PARD3B: variants seen among roughly 807,000 people sequenced by gnomAD.
PARD3B encodes the protein partitioning defective 3 homolog B.
Under a neutral mutation model 130.2 loss-of-function variants are expected in PARD3B, and 103 were observed. The ratio of observed to expected loss-of-function variants is 0.79; its 90% CI spans 0.67 to 0.93. The LOEUF (loss-of-function observed/expected upper bound fraction) is 0.93. Ranked by LOEUF, PARD3B falls within the 40% of genes least tolerant of loss-of-function variation. The pLI is 0.00. For missense variants in PARD3B, 1,609 were observed against 1,499.2 expected (o/e 1.07, Z -1.21); for synonymous variants, 583 against 553.2 (o/e 1.05, Z -0.76).
chr2:205,549,768 G>A (rs141154942), intron 21 of PARD3B, among the ~76,000 whole-genome samples: 3 of 152,312 alleles, frequency 2.0e-5, no homozygotes, highest in Non-Finnish European at 4.4e-5. Flanking sequence ...GAGCCCTAAT[G>A]TAAACTATGG....
chr2:205,356,497 G>A (rs754340741), intron 18 of PARD3B, among the ~76,000 whole-genome samples: 1 of 151,936 alleles, frequency 6.6e-6, no homozygotes, highest in Non-Finnish European at 1.5e-5. Context: ...AAAAGTGTTG[G>A]GATTTTAGGT....
chr2:205,170,343 G>T (rs540385703), intron 11 of PARD3B, among the ~76,000 whole-genome samples: 2 of 152,112 alleles, frequency 1.3e-5, no homozygotes, highest in South Asian at 2.1e-4. Flanking sequence ...CTCATTTCCA[G>T]ACTTGCTTCA....
rs16836450 is a variant in PARD3B, at chr2:204,642,201, T to C, written c.121-43980T>C. 0.012 allele frequency among the ~76,000 whole-genome samples: 1,871 copies of C among 152,286 alleles called. 80 individuals carry two copies. The East Asian group carries it at 0.15, about 12-fold the overall frequency. ...AAGCCTGTTTCTGTTTAATTATCTA[T>C]GGGTGCACTGGTCTCTGCTACAGAG... On this transcript the variant is annotated intron_variant, in intron 1 of 22. Coordinates refer to ENST00000406610, the MANE Select transcript of PARD3B (RefSeq NM_001302769.2).
intron 6 of PARD3B, among the ~76,000 whole-genome samples, chr2:205,118,691 C>T (rs1271403570): frequency 2.0e-5 from 3 of 152,194 alleles, no homozygotes; most frequent in East Asian, 3.9e-4. Flanking sequence ...GAAATGAAGT[C>T]GCAGATTGAT....
chr2:204,998,826 G>A (rs1440144409), intron 3 of PARD3B, among the ~76,000 whole-genome samples: 1 of 152,022 alleles, frequency 6.6e-6, no homozygotes. Flanking sequence ...TGATTCTCCT[G>A]CCTCAGCCTC....
rs189184409 is a variant in PARD3B at position 205,550,739 on chromosome 2, G to A, written c.3181-2585G>A. 4.6e-5 allele frequency among the ~76,000 whole-genome samples: 7 copies of A among 151,234 alleles called. No homozygotes were observed. The highest frequency in any genetic ancestry group is 1.9e-4 in the East Asian group (1 of 5,154). ...ATATGCTGTTGGGTATATTTCATAG[G>A]TGTGTGTATGTATACTATATATAAA... On this transcript the variant is annotated intron_variant, in intron 21 of 22. Transcript: ENST00000406610. The surrounding 1 kb of genome is among the most constrained non-coding windows in gnomAD (Gnocchi z 4.5).
rs539844601 is a variant in PARD3B at position 204,651,050 on chromosome 2, G to C, written c.121-35131G>C. On this transcript the variant is annotated intron_variant, in intron 1 of 22. Coordinates refer to ENST00000406610, the MANE Select transcript of PARD3B (RefSeq NM_001302769.2). Reference sequence around the variant, plus strand: ...CCCCTGACATGGGATTACAATTTGAGATGAGATTTGGGTGAGGACCCAGAG... The same window carrying C: ...CCCCTGACATGGGATTACAATTTGACATGAGATTTGGGTGAGGACCCAGAG... 2.0e-5 allele frequency among the ~76,000 whole-genome samples: 3 copies of C among 152,272 alleles called. No individual in the cohort carries two copies. The South Asian group carries it at 6.2e-4, about 32-fold the overall frequency.
At chr2:204,966,528 A>C (rs1254689536) in intron 3 of PARD3B, among the ~76,000 whole-genome samples, 1 of 152,176 alleles carries the variant, frequency 6.6e-6, no homozygotes, top group East Asian at 1.9e-4. Flanking sequence ...TTAGGCAATA[A>C]GGGAAGACGA....
At chr2:204,937,290 C>T (rs997304625) in intron 2 of PARD3B, among the ~76,000 whole-genome samples, 5 of 152,184 alleles carry the variant, frequency 3.3e-5, no homozygotes, top group African/African-American at 1.2e-4. Flanking sequence ...ATTTTATGAA[C>T]AGGACGTTTT....
intron 2 of PARD3B, among the ~76,000 whole-genome samples, chr2:204,778,750 A>G (rs978432325): frequency 3.3e-5 from 5 of 152,076 alleles, no homozygotes; most frequent in Non-Finnish European, 5.9e-5. Flanking sequence ...CCAAGCTGCC[A>G]TCTCCTGCCT....
chr2:205,482,446 G>T (rs557851273), intron 20 of PARD3B: 1 of 152,142 alleles, frequency 6.6e-6, no homozygotes, highest in Non-Finnish European at 1.5e-5. Context: ...GCAGAGGATT[G>T]TTTTTTAAAG....
At chr2:204,937,570 A>T (rs1001153247) in intron 2 of PARD3B, among the ~76,000 whole-genome samples, 5 of 152,188 alleles carry the variant, frequency 3.3e-5, no homozygotes, top group African/African-American at 9.7e-5. Context: ...TCAAAAAATT[A>T]TGTGTGCATA....
At position 204,549,927 on chromosome 2, in the gene PARD3B, A is replaced by T. The variant is rs200092586; in HGVS notation, c.120+3808A>T. On this transcript the variant is annotated intron_variant, in intron 1 of 22. Transcript: ENST00000406610. ...TTGACATTTCTGGCCTTTTCTCATT[A>T]AAAAAAAACAAACAAATAAAAGCAT... is the stretch of plus-strand genomic sequence containing the variant. Among the ~76,000 whole-genome samples the T allele has an allele frequency of 3.3e-4, 9 of 27,408 alleles. No individual in the cohort carries two copies. In the East Asian group the frequency reaches 7.5e-3, roughly 23 times the overall value. The allele number at this position is 27,408 out of a possible 152,430, so 18.0% of individuals were successfully genotyped here.
At chr2:205,400,865 CTTAT>C (rs1451482450) in intron 18 of PARD3B, 144 bp from the exon 19 acceptor site, 1 of 582,642 alleles carries the variant, frequency 1.7e-6, no homozygotes, top group African/African-American at 1.9e-5. Flanking sequence ...CTTTCATTAT[CTTAT>C]TTTAGTTCCA....
At chr2:205,531,789 C>T (rs1421234822) in intron 21 of PARD3B, among the ~76,000 whole-genome samples, 3 of 152,120 alleles carry the variant, frequency 2.0e-5, no homozygotes, top group Non-Finnish European at 4.4e-5. Flanking sequence ...AACTGATTGA[C>T]AAATTGGTGA....
chr2:205,052,547 C>A (rs1322942214), intron 4 of PARD3B, among the ~76,000 whole-genome samples: 5 of 148,826 alleles, frequency 3.4e-5, no homozygotes, highest in Non-Finnish European at 7.4e-5. Flanking sequence ...AAGTTTTATG[C>A]CTTAGCCAGG....
At chr2:205,098,342 A>G (rs903526068) in intron 4 of PARD3B, among the ~76,000 whole-genome samples, 6 of 152,200 alleles carry the variant, frequency 3.9e-5, no homozygotes, top group Admixed American at 6.5e-5. Context: ...GTGGTTTCCA[A>G]TGTAGCTAAA....
intron 20 of PARD3B, among the ~76,000 whole-genome samples, chr2:205,449,894 A>G (rs982269280): frequency 6.6e-6 from 1 of 152,240 alleles, no homozygotes; most frequent in Admixed American, 6.5e-5. Flanking sequence ...ACAAATAATT[A>G]CAATATAATA....
At chr2:205,089,855 C>T (rs1221039855) in intron 4 of PARD3B, among the ~76,000 whole-genome samples, 1 of 152,318 alleles carries the variant, frequency 6.6e-6, no homozygotes, top group African/African-American at 2.4e-5. Context: ...TTGCTCCTTT[C>T]TCAGAGGAAG....
Sources: allele counts gnomAD v4.1 joint callset (sites outside exome capture counted in the v4.1 genomes callset), GRCh38; gene constraint gnomAD v4.1.1; non-coding constraint Gnocchi (gnomAD v3.1); transcripts MANE v1.5; gene names NCBI Gene and HGNC (gene_info 2026-07-23, HGNC 2026-07-21).